The following PRKG2 variants were observed in gnomAD, a reference collection of about 807,000 sequenced individuals.
PRKG2 encodes protein kinase cGMP-dependent 2, also known as cGMP-dependent protein kinase 2.
In PRKG2, 33 loss-of-function variants were observed where a neutral mutation model predicts 97.2. That is an observed-to-expected ratio of 0.34 (90% CI 0.26 to 0.45). The LOEUF is 0.45. Ranked by LOEUF, PRKG2 falls within the 20% of genes least tolerant of loss-of-function variation. The probability of loss-of-function intolerance (pLI) is 1.00; values close to 1 mark genes in which losing one functional copy is unlikely to be tolerated. For missense variants in PRKG2, 638 were observed against 900.0 expected (o/e 0.71, Z 3.73); for synonymous variants, 330 against 321.8 (o/e 1.03, Z -0.27).
At chr4:81,154,959 G>A (rs1452809649) in intron 6 of PRKG2, among the ~76,000 whole-genome samples, 1 of 152,106 alleles carries the variant, frequency 6.6e-6, no homozygotes, top group East Asian at 1.9e-4. Context: ...CAGATCACGA[G>A]GTCAGGAGAT....
chr4:81,150,512 TTC>T (rs1349733791), intron 8 of PRKG2, among the ~76,000 whole-genome samples: 2 of 152,170 alleles, frequency 1.3e-5, no homozygotes, highest in Non-Finnish European at 2.9e-5. Flanking sequence ...CCAACTTTCC[TTC>T]TCATTGATTT....
intron 2 of PRKG2, among the ~76,000 whole-genome samples, chr4:81,185,287 AAC>A (rs1751773495): frequency 6.6e-6 from 1 of 152,224 alleles, no homozygotes; most frequent in African/African-American, 2.4e-5. Context: ...TCTGTGTAGA[AAC>A]CGTACAAGCC....
intron 5 of PRKG2, 39 bp downstream of exon 5, chr4:81,169,624 C>T (rs1750283846): frequency 7.3e-7 from 1 of 1,377,604 alleles, no homozygotes; most frequent in Non-Finnish European, 1.0e-6. Context: ...AATATGGCGA[C>T]TCCACTGTCT....
At chr4:81,211,048 C>T (rs1753945980) in intron 1 of PRKG2, among the ~76,000 whole-genome samples, 1 of 151,954 alleles carries the variant, frequency 6.6e-6, no homozygotes, top group Admixed American at 6.6e-5. Flanking sequence ...TGGGGAAAGA[C>T]AGAAAGGAAT....
At chr4:81,105,237 G>C (rs1184333623) in intron 16 of PRKG2, among the ~76,000 whole-genome samples, 1 of 151,994 alleles carries the variant, frequency 6.6e-6, no homozygotes, top group Non-Finnish European at 1.5e-5. Context: ...TTTGAACATT[G>C]AATTTATTCC....
intron 14 of PRKG2, among the ~76,000 whole-genome samples, chr4:81,124,650 CAT>C (rs1745380538): frequency 6.6e-6 from 1 of 152,296 alleles, no homozygotes; most frequent in South Asian, 2.1e-4. Context: ...GCTTGCAGCA[CAT>C]GAGGGAGTCA....
At chr4:81,089,900 T>C (rs1741381127) in intron 18 of PRKG2, 97 bp from the exon 19 acceptor site, 2 of 974,358 alleles carry the variant, frequency 2.1e-6, no homozygotes, top group East Asian at 2.6e-5. Flanking sequence ...ACTGATTTCA[T>C]ACTGCAGCCA....
At chr4:81,187,605 T>A (rs1751999544) in intron 2 of PRKG2, among the ~76,000 whole-genome samples, 1 of 152,148 alleles carries the variant, frequency 6.6e-6, no homozygotes, top group East Asian at 1.9e-4. Context: ...GTATTGGAAG[T>A]TCTGGCCAGG....
chr4:81,161,016 GCT>G (rs1749555561), intron 6 of PRKG2, among the ~76,000 whole-genome samples: 1 of 152,030 alleles, frequency 6.6e-6, no homozygotes, highest in South Asian at 2.1e-4. Flanking sequence ...CCACATAATT[GCT>G]CTCTCTTGTT....
At chr4:81,185,740 A>C (rs1751825120) in intron 2 of PRKG2, among the ~76,000 whole-genome samples, 2 of 152,206 alleles carry the variant, frequency 1.3e-5, no homozygotes, top group African/African-American at 4.8e-5. Context: ...TCTCACATGC[A>C]AACACAAACA....
At chr4:81,136,721 T>A (rs1746743447) in intron 13 of PRKG2, among the ~76,000 whole-genome samples, 1 of 152,186 alleles carries the variant, frequency 6.6e-6, no homozygotes, top group Non-Finnish European at 1.5e-5. Context: ...CGACACTATT[T>A]GGCATTTAAC....
At chr4:81,148,793 T>A (rs1055376383) in intron 9 of PRKG2, 91 bp downstream of exon 9, 1 of 1,094,792 alleles carries the variant, frequency 9.1e-7, no homozygotes, top group African/African-American at 1.6e-5. Flanking sequence ...CAAGTGGTGA[T>A]GAATGAGAAA....
chr4:81,113,473 G>T (rs945614349), intron 14 of PRKG2, among the ~76,000 whole-genome samples: 2 of 151,790 alleles, frequency 1.3e-5, no homozygotes, highest in South Asian at 4.2e-4. Flanking sequence ...CATTATTAAC[G>T]ATGGCGTACA....
At chr4:81,173,498 G>A (rs1027918066) in intron 3 of PRKG2, among the ~76,000 whole-genome samples, 11 of 152,080 alleles carry the variant, frequency 7.2e-5, no homozygotes, top group African/African-American at 2.7e-4. Flanking sequence ...TGTTGCTAAA[G>A]CAGAAGTTAA....
chr4:81,097,324 G>A (rs929867578), intron 17 of PRKG2, among the ~76,000 whole-genome samples: 4 of 152,056 alleles, frequency 2.6e-5, no homozygotes, highest in South Asian at 2.1e-4. Context: ...ATTTTATTCC[G>A]AGCAGGAGGT....
At chr4:81,150,835 A>T (rs1240244895) in intron 8 of PRKG2, among the ~76,000 whole-genome samples, 1 of 152,142 alleles carries the variant, frequency 6.6e-6, no homozygotes, top group Non-Finnish European at 1.5e-5. Flanking sequence ...GCATGAATGT[A>T]TTTATATTCT....
rs760533083 is a variant in PRKG2 at position 81,089,642 on chromosome 4, G to A, written c.*66C>T. On this transcript the variant is annotated 3_prime_UTR_variant, in exon 19 of 19. Transcript: ENST00000264399. Reference sequence around the variant, plus strand: ...TATAATACTCTGAAAAGAAAATAATGTGTTGGATTATTGATCCTTGAGGTC... The same window carrying A: ...TATAATACTCTGAAAAGAAAATAATATGTTGGATTATTGATCCTTGAGGTC... The A allele has an allele frequency of 4.1e-5, 48 of 1,174,628 alleles. No individual in the cohort carries two copies. The highest frequency in any genetic ancestry group is 6.1e-5 in the Admixed American group (3 of 48,938). The allele number at this position is 1,174,628 out of a possible 1,614,324, so 72.8% of individuals were successfully genotyped here.
intron 12 of PRKG2, 126 bp downstream of exon 12, chr4:81,140,407 C>G (rs1747162710): frequency 1.3e-6 from 1 of 766,528 alleles, no homozygotes; most frequent in Non-Finnish European, 1.8e-6. Flanking sequence ...ATTTCATGTA[C>G]CCCATAAATA....
chr4:81,128,546 C>T (rs1189170558), intron 14 of PRKG2, among the ~76,000 whole-genome samples: 3 of 152,082 alleles, frequency 2.0e-5, no homozygotes, highest in South Asian at 2.1e-4. Context: ...GACTTCTTCC[C>T]GGTTTAGCCT....
Sources: allele counts gnomAD v4.1 joint callset (sites outside exome capture counted in the v4.1 genomes callset), GRCh38; gene constraint gnomAD v4.1.1; transcripts MANE v1.5; gene names NCBI Gene and HGNC (gene_info 2026-07-23, HGNC 2026-07-21).